The following AGTPBP1 variants were observed in gnomAD, a reference collection of about 807,000 sequenced individuals.
AGTPBP1 encodes the protein cytosolic carboxypeptidase 1.
AGTPBP1 carries 70 observed loss-of-function variants against 143.9 expected under a neutral mutation model. That is an observed-to-expected ratio of 0.49 (90% CI 0.40 to 0.59). The LOEUF (loss-of-function observed/expected upper bound fraction) is 0.59, where lower values mean the gene tolerates loss of function less well. Among genes scored for constraint, AGTPBP1 ranks in the 20% least tolerant of loss-of-function variants. The probability of loss-of-function intolerance (pLI) is 0.00; values close to 1 mark genes in which losing one functional copy is unlikely to be tolerated. For missense variants in AGTPBP1, 1,229 were observed against 1,464.5 expected (o/e 0.84, Z 2.62); for synonymous variants, 463 against 500.2 (o/e 0.93, Z 0.99).
the AGTPBP1 span, among the ~76,000 whole-genome samples, chr9:85,790,334 C>A: frequency 6.6e-3 from 1,006 of 152,242 alleles, 16 homozygotes; most frequent in African/African-American, 0.023. Flanking sequence ...TAAAAGCAGG[C>A]TGACTTTTCA....
At chr9:85,774,689 A>G in the AGTPBP1 span, among the ~76,000 whole-genome samples, 3 of 152,218 alleles carry the variant, frequency 2.0e-5, no homozygotes, top group African/African-American at 4.8e-5. Context: ...TACTCCTTCA[A>G]TTCAGGCTGC....
intron 2 of AGTPBP1, among the ~76,000 whole-genome samples, chr9:85,695,027 C>A (rs1836135776): frequency 6.6e-6 from 1 of 152,178 alleles, no homozygotes; most frequent in Non-Finnish European, 1.5e-5. Context: ...CACATCCAAG[C>A]AATCATCATC....
chr9:85,709,867 C>A (rs1837256273), intron 2 of AGTPBP1, among the ~76,000 whole-genome samples: 1 of 152,104 alleles, frequency 6.6e-6, no homozygotes, highest in Non-Finnish European at 1.5e-5. Context: ...TTTTACTAGA[C>A]GTGCTTCTTT....
intron 3 of AGTPBP1, among the ~76,000 whole-genome samples, chr9:85,692,203 C>G (rs559933724): frequency 7.9e-5 from 12 of 151,818 alleles, no homozygotes; most frequent in Non-Finnish European, 1.8e-4. Flanking sequence ...TTATTAGAAA[C>G]CATGCTTTGA....
intron 11 of AGTPBP1, among the ~76,000 whole-genome samples, chr9:85,647,787 G>A (rs1414758076): frequency 2.6e-5 from 4 of 152,146 alleles, no homozygotes; most frequent in Non-Finnish European, 1.5e-5. Flanking sequence ...AAATAAGGAA[G>A]TGAAATGATA....
chr9:85,553,928 AC>A (rs1483609274), intron 25 of AGTPBP1: 1 of 152,148 alleles, frequency 6.6e-6, no homozygotes. Context: ...GGATCATAAT[AC>A]CATCTGTCTC....
intron 25 of AGTPBP1, among the ~76,000 whole-genome samples, chr9:85,558,169 G>A (rs1259863737): frequency 1.3e-5 from 2 of 152,192 alleles, no homozygotes; most frequent in African/African-American, 2.4e-5. Context: ...AAGGAATTAA[G>A]TAGTGACACA....
At chr9:85,566,911 T>C (rs931481078) in intron 25 of AGTPBP1, among the ~76,000 whole-genome samples, 3 of 152,180 alleles carry the variant, frequency 2.0e-5, no homozygotes, top group African/African-American at 4.8e-5. Flanking sequence ...AAAGACTTTA[T>C]AGCATTGCAA....
chr9:85,549,382 C>T (rs541765010), intron 25 of AGTPBP1, among the ~76,000 whole-genome samples: 3 of 152,198 alleles, frequency 2.0e-5, no homozygotes, highest in African/African-American at 7.2e-5. Context: ...CAGGGAAGCA[C>T]GCATCGTTCA....
intron 6 of AGTPBP1, 144 bp from the exon 7 acceptor site, chr9:85,672,825 C>G: frequency 3.6e-6 from 2 of 562,956 alleles, no homozygotes; most frequent in Admixed American, 3.4e-5. Flanking sequence ...ACCTCTGGCT[C>G]CCAGGTTGAA....
chr9:85,679,296 T>C (rs79801946), intron 4 of AGTPBP1, among the ~76,000 whole-genome samples: 5,676 of 152,320 alleles, frequency 0.037, 283 homozygotes, highest in African/African-American at 0.11. Context: ...TTAAAAGTAA[T>C]GCTCAATCTC....
chr9:85,547,090 A>G lies in AGTPBP1; in HGVS notation c.*19T>C. 6.3e-7 allele frequency: 1 copy of G among 1,585,514 alleles called. No homozygotes were observed. Among genetic ancestry groups the G allele is most frequent in the South Asian group, 1.2e-5 (1 of 86,200 alleles). ...ATATTTCATTTATTCTTTGCAGTTA[A>G]CAAGAGATGGCAGCGGGCTCAAGGT... On this transcript the variant is annotated 3_prime_UTR_variant, in exon 26 of 26. Transcript: ENST00000357081.
At chr9:85,559,166 A>T (rs1323190174) in intron 25 of AGTPBP1, among the ~76,000 whole-genome samples, 1 of 152,212 alleles carries the variant, frequency 6.6e-6, no homozygotes, top group Non-Finnish European at 1.5e-5. Context: ...TCCTACCAGT[A>T]TTTCCAGCTT....
chr9:85,696,985 A>C (rs1440034830), intron 2 of AGTPBP1, among the ~76,000 whole-genome samples: 1 of 152,174 alleles, frequency 6.6e-6, no homozygotes. Flanking sequence ...TTTGTTCTAC[A>C]TTTTAACTAT....
At chr9:85,794,685 G>A in the AGTPBP1 span, among the ~76,000 whole-genome samples, 4 of 152,118 alleles carry the variant, frequency 2.6e-5, no homozygotes, top group Non-Finnish European at 5.9e-5. Context: ...TACAAAGAGG[G>A]AGATGGAATT....
chr9:85,573,742 G>A (rs1260221520), intron 25 of AGTPBP1, among the ~76,000 whole-genome samples: 3 of 149,554 alleles, frequency 2.0e-5, no homozygotes, highest in Non-Finnish European at 4.4e-5. Flanking sequence ...TGTGGGGAGC[G>A]CCTCTGCCCC....
At position 85,695,862 on chromosome 9, in the gene AGTPBP1, G is replaced by A. The variant is rs1459744152; in HGVS notation, c.33-3049C>T. On this transcript the variant is annotated intron_variant, in intron 2 of 25. Transcript: ENST00000357081. ...TTTCTTTTACTTTTTTTTTTTTTCA[G>A]ACAGAGTCTCGCGCTGTTGCCCAGG... Among the ~76,000 whole-genome samples, 5 of 146,378 alleles carry A rather than the reference G, an allele frequency of 3.4e-5. No individual in the cohort carries two copies. In the Admixed American group the frequency reaches 3.4e-4, roughly 10 times the overall value.
upstream of AGTPBP1, among the ~76,000 whole-genome samples, chr9:85,742,624 T>G (rs114705022): frequency 0.011 from 1,718 of 152,254 alleles, 32 homozygotes; most frequent in African/African-American, 0.039. Flanking sequence ...TGATTTACTG[T>G]TTTTTGAAAA....
chr9:85,590,348 A>G (rs1049813305), intron 19 of AGTPBP1, among the ~76,000 whole-genome samples: 5 of 152,314 alleles, frequency 3.3e-5, no homozygotes, highest in African/African-American at 1.2e-4. Flanking sequence ...AAATTTATAC[A>G]TACACATAAA....
Sources: allele counts gnomAD v4.1 joint callset (sites outside exome capture counted in the v4.1 genomes callset), GRCh38; gene constraint gnomAD v4.1.1; transcripts MANE v1.5; gene names NCBI Gene and HGNC (gene_info 2026-07-23, HGNC 2026-07-21).